The following STAU2 variants were observed in gnomAD, a reference collection of about 807,000 sequenced individuals.
STAU2 encodes the protein double-stranded RNA-binding protein Staufen homolog 2.
In STAU2, 20 loss-of-function variants were observed where a neutral mutation model predicts 65.9. That is an observed-to-expected ratio of 0.30 (90% CI 0.21 to 0.44). The LOEUF is 0.44. Ranked by LOEUF, STAU2 falls within the 20% of genes least tolerant of loss-of-function variation. STAU2 has a pLI of 1.00. For missense variants in STAU2, 558 were observed against 683.9 expected (o/e 0.82, Z 2.05); for synonymous variants, 232 against 233.9 (o/e 0.99, Z 0.07).
intron 13 of STAU2, among the ~76,000 whole-genome samples, chr8:73,486,267 A>G (rs1208890430): frequency 6.6e-6 from 1 of 152,104 alleles, no homozygotes; most frequent in Non-Finnish European, 1.5e-5. Flanking sequence ...ATGAACAAGT[A>G]ACTAAATTGA....
At chr8:73,534,028 A>G (rs1806015673) in intron 13 of STAU2, among the ~76,000 whole-genome samples, 1 of 152,216 alleles carries the variant, frequency 6.6e-6, no homozygotes, top group Non-Finnish European at 1.5e-5. Flanking sequence ...AAAAAGACCT[A>G]TGTTTAAAGA....
At chr8:73,733,285 T>C (rs1436042979) in intron 3 of STAU2, among the ~76,000 whole-genome samples, 1 of 152,192 alleles carries the variant, frequency 6.6e-6, no homozygotes, top group African/African-American at 2.4e-5. Flanking sequence ...AACCGCCTAA[T>C]ATAGACTTTT....
intron 13 of STAU2, among the ~76,000 whole-genome samples, chr8:73,472,120 G>A (rs1820068718): frequency 6.6e-6 from 1 of 152,204 alleles, no homozygotes; most frequent in Non-Finnish European, 1.5e-5. Context: ...CAGGGCGGTA[G>A]TGTACTAGAA....
In STAU2 at chr8:73,469,598, G is replaced by T. The variant is rs138985995; in HGVS notation, c.1531-46896C>A. The stretch of plus-strand genomic sequence containing the variant: ...GGTCACTGAATCACAACCACTTCTT[G>T]TTGTCTCTAAAGAAGACAGGTTGGG... On this transcript the variant is annotated intron_variant, in intron 13 of 14. Transcript: ENST00000524300. Among the ~76,000 whole-genome samples the T allele has an allele frequency of 4.3e-3, 652 of 150,500 alleles. 3 individuals carry two copies. Among genetic ancestry groups the T allele is most frequent in the African/African-American group, 0.016 (621 of 39,908 alleles).
intron 13 of STAU2, among the ~76,000 whole-genome samples, chr8:73,445,233 G>T (rs1037295647): frequency 1.3e-5 from 2 of 152,100 alleles, no homozygotes; most frequent in African/African-American, 4.8e-5. Flanking sequence ...AATATTCAGG[G>T]ACCAGAGAGG....
At chr8:73,572,018 T>C (rs1018768812) in intron 12 of STAU2, among the ~76,000 whole-genome samples, 9 of 151,550 alleles carry the variant, frequency 5.9e-5, no homozygotes, top group Admixed American at 5.9e-4. Flanking sequence ...CTAATAAAGA[T>C]GAAAAGACAG....
chr8:73,470,457 A>G (rs1296710367), intron 13 of STAU2, among the ~76,000 whole-genome samples: 1 of 152,192 alleles, frequency 6.6e-6, no homozygotes, highest in African/African-American at 2.4e-5. Context: ...AGACTAATAA[A>G]GCAAAGTCGT....
chr8:73,558,992 G>T (rs527323023), intron 12 of STAU2, among the ~76,000 whole-genome samples: 2 of 152,218 alleles, frequency 1.3e-5, no homozygotes, highest in Admixed American at 1.3e-4. Flanking sequence ...AGGGGCTTCT[G>T]GTTCAAAACA....
chr8:73,635,021 C>G (rs1186699711), intron 6 of STAU2, among the ~76,000 whole-genome samples: 1 of 152,180 alleles, frequency 6.6e-6, no homozygotes, highest in Non-Finnish European at 1.5e-5. Flanking sequence ...TCCAAGTACC[C>G]ATAAGAATGT....
At chr8:73,742,919 A>C (rs978265588) in intron 1 of STAU2, among the ~76,000 whole-genome samples, 1 of 152,126 alleles carries the variant, frequency 6.6e-6, no homozygotes, top group African/African-American at 2.4e-5. Flanking sequence ...AATATGTATA[A>C]ATTTTTTATA....
chr8:73,502,083 T>G (rs975367316), intron 13 of STAU2, among the ~76,000 whole-genome samples: 9 of 151,698 alleles, frequency 5.9e-5, no homozygotes, highest in African/African-American at 2.2e-4. Context: ...AAAATTGGAT[T>G]TTTTTTATGG....
intron 3 of STAU2, among the ~76,000 whole-genome samples, chr8:73,736,855 G>C (rs868441764): frequency 1.3e-5 from 2 of 152,260 alleles, no homozygotes; most frequent in African/African-American, 2.4e-5. Flanking sequence ...ATGTCGGAAG[G>C]CAGGGGGTCA....
chr8:73,740,131 C>T (rs182303427), intron 1 of STAU2, among the ~76,000 whole-genome samples: 35 of 152,318 alleles, frequency 2.3e-4, no homozygotes, highest in Non-Finnish European at 4.6e-4. Flanking sequence ...ACAGATCTTC[C>T]ACCAGTAGAG....
chr8:73,483,209 G>T (rs1029613468), intron 13 of STAU2, among the ~76,000 whole-genome samples: 6 of 151,728 alleles, frequency 4.0e-5, no homozygotes, highest in African/African-American at 1.2e-4. Context: ...TTGGCCTGAA[G>T]GAATTTTAAC....
chr8:73,535,678 C>T (rs982516485), intron 13 of STAU2, among the ~76,000 whole-genome samples: 6 of 152,146 alleles, frequency 3.9e-5, no homozygotes, highest in African/African-American at 1.4e-4. Flanking sequence ...TTTTGACATA[C>T]CTATATACAT....
chr8:73,457,780 C>T (rs1356973307), intron 13 of STAU2, among the ~76,000 whole-genome samples: 4 of 152,152 alleles, frequency 2.6e-5, no homozygotes, highest in East Asian at 1.9e-4. Context: ...ATGCAAAGTA[C>T]TTAACAGGTA....
At chr8:73,667,542 G>A (rs1235226559) in intron 6 of STAU2, among the ~76,000 whole-genome samples, 3 of 152,136 alleles carry the variant, frequency 2.0e-5, no homozygotes, top group African/African-American at 7.2e-5. Context: ...AGTTAACCTT[G>A]AAGATTCAGT....
chr8:73,562,855 A>G lies in STAU2; in HGVS notation c.1223-10536T>C, dbSNP rs185922362. Among the ~76,000 whole-genome samples, 204 of 152,188 alleles carry G rather than the reference A, an allele frequency of 1.3e-3. 1 individual carries two copies. The highest frequency in any genetic ancestry group is 4.5e-3 in the African/African-American group (186 of 41,550). The stretch of plus-strand genomic sequence containing the variant: ...GGGCTGGGTGCAGTGGCTCACACCT[A>G]TAATCAGCACTTTGGAAGGCTAAGG... On this transcript the variant is annotated intron_variant, in intron 12 of 14. Transcript: ENST00000524300.
chr8:73,455,365 G>A (rs925888788), intron 13 of STAU2, among the ~76,000 whole-genome samples: 8 of 152,154 alleles, frequency 5.3e-5, no homozygotes, highest in African/African-American at 1.4e-4. Context: ...GGGGCTGTGC[G>A]GTCAGGGCGA....
Sources: allele counts gnomAD v4.1 joint callset (sites outside exome capture counted in the v4.1 genomes callset), GRCh38; gene constraint gnomAD v4.1.1; transcripts MANE v1.5; gene names NCBI Gene and HGNC (gene_info 2026-07-23, HGNC 2026-07-21).